SLC35F5: variants seen among roughly 807,000 people sequenced by gnomAD.
SLC35F5 encodes HCV NS5A-transactivated protein 3.
A neutral mutation model predicts 68.6 loss-of-function variants in SLC35F5; 54 were observed. That is an observed-to-expected ratio of 0.79 (90% CI 0.63 to 0.99). SLC35F5 has a LOEUF of 0.99. Ranked by LOEUF, SLC35F5 falls within the 50% of genes least tolerant of loss-of-function variation. The pLI is 0.00. For synonymous variants in SLC35F5, 211 were observed against 205.2 expected (o/e 1.03, Z -0.24); for missense variants, 567 against 626.9 (o/e 0.90, Z 1.02).
downstream of SLC35F5, among the ~76,000 whole-genome samples, chr2:113,702,960 C>G (rs1686724934): frequency 6.6e-6 from 1 of 151,882 alleles, no homozygotes; most frequent in Non-Finnish European, 1.5e-5. Context: ...AATCAAAAAA[C>G]TTAGCCAGGC....
At position 113,735,775 on chromosome 2, in the gene SLC35F5, A is replaced by C; in HGVS notation, c.832+2T>G. ...GCAGATTTTTAAAGACAAATTTCTT[A>C]CCGGAAGTTGAAGATAAAATATTAA... On this transcript the variant is annotated splice_donor_variant, in intron 8 of 15. Coordinates refer to ENST00000245680, the MANE Select transcript of SLC35F5 (RefSeq NM_025181.5). LOFTEE classifies it high-confidence loss of function. 6.3e-7 allele frequency: 1 copy of C among 1,593,182 alleles called. No homozygotes were observed.
downstream of SLC35F5, chr2:113,704,012 T>C (rs1347152850): frequency 6.5e-6 from 1 of 152,688 alleles, no homozygotes; most frequent in Admixed American, 6.5e-5. Flanking sequence ...TCTGGTGGGT[T>C]CGTGGTCTCG....
intron 11 of SLC35F5, among the ~76,000 whole-genome samples, chr2:113,727,607 C>G (rs538463263): frequency 8.7e-4 from 133 of 152,302 alleles, no homozygotes; most frequent in African/African-American, 3.2e-3. Context: ...CCTTTCTGTT[C>G]TTCTTCCACA....
intron 7 of SLC35F5, among the ~76,000 whole-genome samples, chr2:113,741,575 C>T (rs1018635012): frequency 6.6e-6 from 1 of 151,958 alleles, no homozygotes; most frequent in Non-Finnish European, 1.5e-5. Context: ...GTGGCGCATG[C>T]CTGTAATCCC....
At chr2:113,723,078 C>G in intron 13 of SLC35F5, 26 bp downstream of exon 13, 3 of 1,463,866 alleles carry the variant, frequency 2.0e-6, no homozygotes, top group Non-Finnish European at 1.8e-6. Flanking sequence ...CCTAAAATAT[C>G]TATGAATAAT....
Position 113,715,221 on chromosome 2 carries a change from G to T in SLC35F5, c.*23-26C>A, listed in dbSNP as rs1687132924. On this transcript the variant is annotated intron_variant, in intron 15 of 15. Transcript: ENST00000245680. ...CTAAAAACAGAAACCACAGAAATGT[G>T]ATTAGATTATAATTTCACAGTTTTA... 4 of 152,244 alleles carry T rather than the reference G, an allele frequency of 2.6e-5. 1 individual carries two copies. In the South Asian group the frequency reaches 8.3e-4, roughly 32 times the overall value. The allele number at this position is 152,244 out of a possible 1,614,324, so 9.4% of individuals were successfully genotyped here.
chr2:113,751,999 G>A (rs1025169684), intron 3 of SLC35F5, among the ~76,000 whole-genome samples: 9 of 152,082 alleles, frequency 5.9e-5, no homozygotes, highest in Non-Finnish European at 7.4e-5. Flanking sequence ...ATCACTTGAG[G>A]TCAGGAGTTC....
chr2:113,725,362 A>C lies in SLC35F5; in HGVS notation c.1250+16T>G, dbSNP rs756139761. On this transcript the variant is annotated intron_variant, in intron 12 of 15. Transcript: ENST00000245680. Reference sequence around the variant, plus strand: ...ATTAATCAACTGATAATAATTGGAGAATAAACAGTACATACCACAACCACA... The same window carrying C: ...ATTAATCAACTGATAATAATTGGAGCATAAACAGTACATACCACAACCACA... The C allele has an allele frequency of 6.3e-7, 1 of 1,578,596 alleles. No homozygotes were observed. The highest frequency in any genetic ancestry group is 1.2e-5 in the South Asian group (1 of 84,372).
intron 13 of SLC35F5, 131 bp downstream of exon 13, chr2:113,722,973 G>T: frequency 3.9e-6 from 2 of 516,898 alleles, no homozygotes; most frequent in African/African-American, 2.0e-5. Context: ...ATGTAGTAAA[G>T]CACCTTGGGA....
chr2:113,709,459 G>C lies in SLC35F5; in HGVS notation c.*5759C>G, dbSNP rs889484917. ...GAAGAGTGAGGGAAGGACGGACCATGGGAGTCAGCATTTTTCAAGCATCCA... is the reference window on the plus strand; with the variant it reads ...GAAGAGTGAGGGAAGGACGGACCATCGGAGTCAGCATTTTTCAAGCATCCA... On this transcript the variant is annotated 3_prime_UTR_variant, in exon 16 of 16. Coordinates refer to ENST00000245680, the MANE Select transcript of SLC35F5 (RefSeq NM_025181.5). Among the ~76,000 whole-genome samples, 7 of 152,212 alleles carry C rather than the reference G, an allele frequency of 4.6e-5. No individual in the cohort carries two copies. The highest frequency in any genetic ancestry group is 1.0e-4 in the Non-Finnish European group (7 of 68,038).
intron 7 of SLC35F5, among the ~76,000 whole-genome samples, chr2:113,740,117 C>T (rs1386834468): frequency 6.6e-6 from 1 of 152,130 alleles, no homozygotes; most frequent in Non-Finnish European, 1.5e-5. Context: ...CTGTGCAATA[C>T]AGACCCATGT....
intron 6 of SLC35F5, among the ~76,000 whole-genome samples, chr2:113,743,096 T>A (rs758592280): frequency 8.5e-5 from 13 of 152,234 alleles, no homozygotes; most frequent in Non-Finnish European, 1.8e-4. Context: ...TGTAAAAGGT[T>A]TAAAATGAGA....
intron 11 of SLC35F5, 83 bp from the exon 12 acceptor site, chr2:113,725,620 T>C: frequency 3.7e-6 from 5 of 1,349,612 alleles, no homozygotes; most frequent in Non-Finnish European, 5.0e-6. Flanking sequence ...CAAAATTAGA[T>C]TTTGCACAAA....
intron 13 of SLC35F5, among the ~76,000 whole-genome samples, chr2:113,720,831 C>A (rs1190645850): frequency 6.6e-6 from 1 of 152,042 alleles, no homozygotes; most frequent in African/African-American, 2.4e-5. Flanking sequence ...ATAGATAAAG[C>A]CCTAGAAGAC....
At position 113,715,114 on chromosome 2, in the gene SLC35F5, T is replaced by C. The variant is rs1687129496; in HGVS notation, c.*104A>G. On this transcript the variant is annotated 3_prime_UTR_variant, in exon 16 of 16. Coordinates refer to ENST00000245680, the MANE Select transcript of SLC35F5 (RefSeq NM_025181.5). Reference sequence around the variant, plus strand: ...GAGTTTCAAAGAACTCAAACTGTTATTTTTCAGACTAGGCACTGAAACATT... The same window carrying C: ...GAGTTTCAAAGAACTCAAACTGTTACTTTTCAGACTAGGCACTGAAACATT... 1 of 152,350 alleles carries C rather than the reference T, an allele frequency of 6.6e-6. No individual in the cohort carries two copies. The highest frequency in any genetic ancestry group is 2.1e-4 in the South Asian group (1 of 4,830). 9.4% of individuals were successfully genotyped at this position (152,350 alleles called of 1,614,324 possible). A position where few individuals can be genotyped will look rare whatever the true frequency, so the allele number is the denominator to read the frequency against.
chr2:113,728,410 G>C (rs1687750638), intron 11 of SLC35F5, among the ~76,000 whole-genome samples: 1 of 152,166 alleles, frequency 6.6e-6, no homozygotes, highest in Admixed American at 6.5e-5. Context: ...AAAGTGCTGG[G>C]ATCACAGGCG....
chr2:113,739,393 C>A (rs1688206254), intron 7 of SLC35F5, among the ~76,000 whole-genome samples: 1 of 152,094 alleles, frequency 6.6e-6, no homozygotes. Context: ...TTTTGATCTG[C>A]AGTTGGTTGG....
intron 13 of SLC35F5, among the ~76,000 whole-genome samples, chr2:113,721,967 T>C (rs1426194010): frequency 7.0e-6 from 1 of 142,726 alleles, no homozygotes; most frequent in African/African-American, 2.6e-5. Flanking sequence ...TATTTTGCTT[T>C]TATCTTTTTT....
In SLC35F5 at chr2:113,753,168, C is replaced by CTTTTTTTTTTTTTTTTTTTTTTTT. The variant is rs1173478465; in HGVS notation, c.273+1973_273+1996dup. ...CACTTTATCTCCAAAGTTTGTTTTT[C>CTTTTTTTTTTTTTTTTTTTTTTTT]TTTTTTTTTTTTTTTTTTTTTTTTT... On this transcript the variant is annotated intron_variant, in intron 3 of 15. Coordinates refer to ENST00000245680, the MANE Select transcript of SLC35F5 (RefSeq NM_025181.5). Among the ~76,000 whole-genome samples the CTTTTTTTTTTTTTTTTTTTTTTTT allele has an allele frequency of 7.7e-4, 38 of 49,094 alleles. 12 individuals are homozygous for CTTTTTTTTTTTTTTTTTTTTTTTT. The highest frequency in any genetic ancestry group is 1.4e-3 in the East Asian group (2 of 1,480). The allele number at this position is 49,094 out of a possible 152,430, so 32.2% of individuals were successfully genotyped here. A position where few individuals can be genotyped will look rare whatever the true frequency, so the allele number is the denominator to read the frequency against.
Sources: gnomAD v4.1 joint callset for allele counts (sites outside exome capture counted in the v4.1 genomes callset) on GRCh38, gnomAD v4.1.1 for gene constraint, MANE v1.5 for transcripts, NCBI Gene and HGNC (gene_info 2026-07-23, HGNC 2026-07-21) for gene names.